Variants in LRRC49 observed in about 807,000 individuals in gnomAD.
LRRC49 encodes leucine-rich repeat-containing protein 49.
In LRRC49, 50 loss-of-function variants were observed where a neutral mutation model predicts 83.3. The observed-to-expected ratio is 0.60, with a 90% CI of 0.48 to 0.76. LRRC49 has a LOEUF of 0.76. Among genes scored for constraint, LRRC49 ranks in the 30% least tolerant of loss-of-function variants. The pLI is 0.00. For missense variants in LRRC49, 704 were observed against 809.1 expected (o/e 0.87, Z 1.58); for synonymous variants, 286 against 283.3 (o/e 1.01, Z -0.10).
Position 70,939,850 on chromosome 15 carries a change from T to G in LRRC49, c.773+3028T>G, listed in dbSNP as rs756468833. On this transcript the variant is annotated intron_variant, in intron 8 of 15. Coordinates refer to ENST00000260382, the MANE Select transcript of LRRC49 (RefSeq NM_017691.5). ...ATCACTGAAAATTTTAAACTAGGTTTTTTTTTTTTTTTTTTTTTAGGAAGG... is the reference window on the plus strand; with the variant it reads ...ATCACTGAAAATTTTAAACTAGGTTGTTTTTTTTTTTTTTTTTTAGGAAGG... Among the ~76,000 whole-genome samples the G allele has an allele frequency of 9.3e-3, 1,391 of 150,212 alleles. 13 individuals carry two copies. Among genetic ancestry groups the G allele is most frequent in the Middle Eastern group, 0.034 (10 of 290 alleles).
At chr15:70,874,095 C>G (rs1427784139) in intron 2 of LRRC49, among the ~76,000 whole-genome samples, 2 of 152,110 alleles carry the variant, frequency 1.3e-5, no homozygotes. Context: ...GGGGATTTCC[C>G]TGGGTTATGT....
intron 8 of LRRC49, among the ~76,000 whole-genome samples, chr15:70,939,765 A>G (rs892205548): frequency 6.6e-6 from 1 of 151,208 alleles, no homozygotes; most frequent in African/African-American, 2.4e-5. Context: ...ATGACCTCTC[A>G]TACCTCTTTT....
chr15:71,004,741 T>C (rs1189714545), intron 11 of LRRC49, among the ~76,000 whole-genome samples: 1 of 152,002 alleles, frequency 6.6e-6, no homozygotes, highest in Non-Finnish European at 1.5e-5. Context: ...ATCATGTTAT[T>C]TTCAGGGACA....
chr15:70,900,830 A>T, intron 3 of LRRC49, 92 bp from the exon 4 acceptor site: 2 of 720,558 alleles, frequency 2.8e-6, no homozygotes, highest in Non-Finnish European at 4.9e-6. Flanking sequence ...TAAGATATTT[A>T]TGGTGCTAAA....
intron 3 of LRRC49, chr15:70,898,456 G>A (rs2033928143): frequency 1.4e-6 from 1 of 700,910 alleles, no homozygotes; most frequent in Non-Finnish European, 2.6e-6. Flanking sequence ...TACATATCTG[G>A]TAAGTTAAAT....
chr15:70,921,338 C>G (rs557902739), intron 7 of LRRC49, among the ~76,000 whole-genome samples: 4 of 152,250 alleles, frequency 2.6e-5, no homozygotes, highest in Non-Finnish European at 5.9e-5. Context: ...AGATAAAACA[C>G]CCACACTTTC....
At chr15:70,868,644 C>T (rs562721616) in intron 1 of LRRC49, among the ~76,000 whole-genome samples, 2 of 152,344 alleles carry the variant, frequency 1.3e-5, no homozygotes, top group South Asian at 2.1e-4. Flanking sequence ...TTTTCTACCA[C>T]GTTCCCGGGT....
chr15:70,992,157 C>T (rs1034217560), intron 11 of LRRC49, among the ~76,000 whole-genome samples: 3 of 152,144 alleles, frequency 2.0e-5, no homozygotes, highest in African/African-American at 7.2e-5. Context: ...GTTTTCAGCT[C>T]CATCAGGTCA....
chr15:70,876,085 G>A (rs2033146179), intron 2 of LRRC49, among the ~76,000 whole-genome samples: 1 of 152,100 alleles, frequency 6.6e-6, no homozygotes, highest in Non-Finnish European at 1.5e-5. Context: ...CTTTTGCCAG[G>A]TAAATAATGA....
intron 7 of LRRC49, among the ~76,000 whole-genome samples, chr15:70,928,813 C>A (rs1452398503): frequency 6.6e-6 from 1 of 152,180 alleles, no homozygotes; most frequent in Non-Finnish European, 1.5e-5. Context: ...GATCCACCCG[C>A]CTTGGCCTCC....
intron 15 of LRRC49, among the ~76,000 whole-genome samples, chr15:71,037,826 C>A (rs538528122): frequency 1.3e-5 from 2 of 152,074 alleles, no homozygotes; most frequent in South Asian, 4.2e-4. Context: ...TGTTCTATTC[C>A]TAATATAGCT....
intron 11 of LRRC49, among the ~76,000 whole-genome samples, chr15:70,992,252 C>T (rs1046870559): frequency 3.3e-5 from 5 of 152,190 alleles, no homozygotes; most frequent in South Asian, 2.1e-4. Context: ...GCAATGGGTT[C>T]GAACTTCCTC....
At chr15:70,888,716 A>T (rs2033473917), upstream of LRRC49, among the ~76,000 whole-genome samples, 1 of 152,136 alleles carries the variant, frequency 6.6e-6, no homozygotes, top group African/African-American at 2.4e-5. Context: ...ATTTAACTGA[A>T]AAAGGACTTC....
rs1555429676 is a variant in LRRC49, at chr15:70,921,902, C to CCTGT, written c.711+2709_711+2710insCTGT. Among the ~76,000 whole-genome samples the CCTGT allele has an allele frequency of 4.7e-3, 709 of 152,226 alleles. 8 individuals carry two copies. Among genetic ancestry groups the CCTGT allele is most frequent in the African/African-American group, 0.017 (690 of 41,504 alleles). Reference sequence around the variant, plus strand: ...TGTTTTTGATGTAGAAAAGTTATTGCTTGTTTATTTACCAATCTTTGTTTT... The same window carrying CCTGT: ...TGTTTTTGATGTAGAAAAGTTATTGCCTGTTTGTTTATTTACCAATCTTTGTTTT... On this transcript the variant is annotated intron_variant, in intron 7 of 15. Coordinates refer to ENST00000260382, the MANE Select transcript of LRRC49 (RefSeq NM_017691.5).
Position 71,004,983 on chromosome 15 carries a change from C to G in LRRC49, c.1170-3396C>G, listed in dbSNP as rs1279834637. On this transcript the variant is annotated intron_variant, in intron 11 of 15. Transcript: ENST00000260382. Reference sequence around the variant, plus strand: ...TGAAGTAATCTGTAAAATAAACCCCCATGACACAGTTTGCCTGTGTTACAA... The same window carrying G: ...TGAAGTAATCTGTAAAATAAACCCCGATGACACAGTTTGCCTGTGTTACAA... 2.0e-5 allele frequency among the ~76,000 whole-genome samples: 3 copies of G among 152,080 alleles called. No homozygotes were observed. In the East Asian group the frequency reaches 5.8e-4, roughly 29 times the overall value.
Position 70,963,872 on chromosome 15 carries a change from C to G in LRRC49, c.861C>G (p.Tyr287Ter). Residue 287 changes from tyrosine to a stop codon, truncating the protein, a stop_gained, in exon 9 of 16, where the codon TAC (tyrosine) becomes TAG (stop). Coordinates refer to ENST00000260382, the MANE Select transcript of LRRC49 (RefSeq NM_017691.5). LOFTEE classifies it high-confidence loss of function. ...ATCCCATAGCTCAAGAGTCATGGTA[C>G]AAACACACTGTCCTTCAGAATATGA... ...DGNPIAQESW[Y>*]KHTVLQNMMQ... 6.2e-7 allele frequency: 1 copy of G among 1,613,564 alleles called. No homozygotes were observed. Among genetic ancestry groups the G allele is most frequent in the Non-Finnish European group, 8.5e-7 (1 of 1,179,602 alleles).
intron 8 of LRRC49, among the ~76,000 whole-genome samples, chr15:70,941,825 A>G (rs966365051): frequency 1.3e-5 from 2 of 152,186 alleles, no homozygotes; most frequent in South Asian, 2.1e-4. Flanking sequence ...ATTTTATAAA[A>G]TGTTGTTGAA....
chr15:70,880,959 C>G (rs186726288), intron 2 of LRRC49, among the ~76,000 whole-genome samples: 1 of 152,350 alleles, frequency 6.6e-6, no homozygotes, highest in Admixed American at 6.5e-5. Context: ...TCCAGTGACT[C>G]ATGCCTGTAA....
intron 1 of LRRC49, 158 bp downstream of exon 1, chr15:70,893,100 C>T: frequency 1.3e-6 from 1 of 780,280 alleles, no homozygotes. Context: ...TGGACCAAGG[C>T]ACAATTTAAT....
Sources: gnomAD v4.1 joint callset for allele counts (sites outside exome capture counted in the v4.1 genomes callset) on GRCh38, gnomAD v4.1.1 for gene constraint, MANE v1.5 for transcripts, NCBI Gene and HGNC (gene_info 2026-07-23, HGNC 2026-07-21) for gene names.